LHFPL3: variants seen among roughly 807,000 people sequenced by gnomAD.
LHFPL3 encodes LHFPL tetraspan subfamily member 3, also known as LHFPL tetraspan subfamily member 3 protein.
In LHFPL3, 5 loss-of-function variants were observed where a neutral mutation model predicts 19.3. The ratio of observed to expected loss-of-function variants is 0.26; its 90% CI spans 0.14 to 0.54. LHFPL3 has a LOEUF of 0.54. Among genes scored for constraint, LHFPL3 ranks in the 20% least tolerant of loss-of-function variants. LHFPL3 has a pLI of 0.94. For missense variants in LHFPL3, 249 were observed against 307.4 expected, an observed-to-expected ratio of 0.81 and a Z score of 1.42; for synonymous variants, 133 against 126.2, an observed-to-expected ratio of 1.05 and a Z score of -0.36.
intron 2 of LHFPL3, among the ~76,000 whole-genome samples, chr7:104,776,463 T>C (rs904653644): frequency 2.0e-5 from 3 of 152,086 alleles, no homozygotes; most frequent in Non-Finnish European, 4.4e-5. Context: ...ACAGCCAGCT[T>C]CTCCTTCTTT....
rs181982225 is a variant in LHFPL3 at position 104,526,132 on chromosome 7, G to A, written c.445+196908G>A. Among the ~76,000 whole-genome samples, 117 of 152,196 alleles carry A rather than the reference G, an allele frequency of 7.7e-4. 2 individuals carry two copies. Among genetic ancestry groups the A allele is most frequent in the Non-Finnish European group, 7.2e-4 (49 of 68,006 alleles). On this transcript the variant is annotated intron_variant, in intron 1 of 2. Transcript: ENST00000424859. Reference sequence around the variant, plus strand: ...TCCCATTCTCATTCCTTTGATTTGAGTTTCTCACCCCTTATGGTGCATGAA... The same window carrying A: ...TCCCATTCTCATTCCTTTGATTTGAATTTCTCACCCCTTATGGTGCATGAA...
chr7:104,564,572 GAGAA>G (rs1374676993), intron 1 of LHFPL3, among the ~76,000 whole-genome samples: 1 of 152,170 alleles, frequency 6.6e-6, no homozygotes, highest in Non-Finnish European at 1.5e-5. Context: ...GTTTTTACAT[GAGAA>G]AGAAAGTAAA....
intron 1 of LHFPL3, among the ~76,000 whole-genome samples, chr7:104,703,286 C>T (rs1041769512): frequency 6.6e-5 from 10 of 152,130 alleles, no homozygotes; most frequent in African/African-American, 2.4e-4. Flanking sequence ...TTAACTTGAC[C>T]TTGAAGATTA....
intron 2 of LHFPL3, among the ~76,000 whole-genome samples, chr7:104,878,267 CT>C (rs35713546): frequency 4.7e-5 from 7 of 150,024 alleles, no homozygotes; most frequent in Non-Finnish European, 5.9e-5. Context: ...ACAAATATTG[CT>C]TTTTTTTTTA....
chr7:104,688,989 A>G (rs1263299797), intron 1 of LHFPL3, among the ~76,000 whole-genome samples: 1 of 152,170 alleles, frequency 6.6e-6, no homozygotes, highest in Non-Finnish European at 1.5e-5. Context: ...GAGTTAAAAA[A>G]AGTTCTAGTA....
chr7:104,502,536 T>C (rs1315645471), intron 1 of LHFPL3, among the ~76,000 whole-genome samples: 7 of 152,228 alleles, frequency 4.6e-5, no homozygotes, highest in Admixed American at 2.0e-4. Flanking sequence ...GAATTCTTAC[T>C]GCCCTGGGTC....
chr7:104,873,105 TG>T (rs1371159034), intron 2 of LHFPL3, among the ~76,000 whole-genome samples: 1 of 152,230 alleles, frequency 6.6e-6, no homozygotes, highest in Non-Finnish European at 1.5e-5. Flanking sequence ...CCATCATATA[TG>T]CAGCCTGTTG....
At chr7:104,649,494 C>G (rs191467586) in intron 1 of LHFPL3, among the ~76,000 whole-genome samples, 16 of 152,312 alleles carry the variant, frequency 1.1e-4, no homozygotes, top group Admixed American at 4.6e-4. Flanking sequence ...CAAAGGACAG[C>G]ACCTGTCCCA....
At chr7:104,889,232 A>G (rs546070342) in intron 2 of LHFPL3, among the ~76,000 whole-genome samples, 22 of 152,326 alleles carry the variant, frequency 1.4e-4, no homozygotes, top group Non-Finnish European at 2.2e-4. Flanking sequence ...TAAAACTGGA[A>G]ACTATTAAAA....
At chr7:104,390,468 G>A (rs1203913410) in intron 1 of LHFPL3, among the ~76,000 whole-genome samples, 7 of 152,020 alleles carry the variant, frequency 4.6e-5, no homozygotes, top group Admixed American at 2.6e-4. Flanking sequence ...ATAGTTTGCT[G>A]AGAATGATGG....
At chr7:104,662,473 T>C (rs1792243334) in intron 1 of LHFPL3, among the ~76,000 whole-genome samples, 1 of 152,186 alleles carries the variant, frequency 6.6e-6, no homozygotes, top group East Asian at 1.9e-4. Context: ...CCCTTAATAA[T>C]TTACCCAAAG....
intron 2 of LHFPL3, among the ~76,000 whole-genome samples, chr7:104,903,462 C>CTT (rs34097567): frequency 1.2e-4 from 15 of 126,722 alleles, no homozygotes; most frequent in Non-Finnish European, 1.9e-4. Flanking sequence ...TCTAGTTATA[C>CTT]TTTTTTTTTT....
chr7:104,739,337 C>A (rs1175672202), intron 2 of LHFPL3, among the ~76,000 whole-genome samples: 1 of 152,090 alleles, frequency 6.6e-6, no homozygotes, highest in Non-Finnish European at 1.5e-5. Context: ...AAAGACCAAT[C>A]AGTAGTTGTG....
intron 1 of LHFPL3, among the ~76,000 whole-genome samples, chr7:104,614,258 A>G (rs1241940748): frequency 6.6e-6 from 1 of 152,164 alleles, no homozygotes; most frequent in Non-Finnish European, 1.5e-5. Flanking sequence ...TGGTACTTTC[A>G]TAAGAGTTAT....
At chr7:104,769,714 G>A (rs982750977) in intron 2 of LHFPL3, among the ~76,000 whole-genome samples, 1 of 151,890 alleles carries the variant, frequency 6.6e-6, no homozygotes, top group Non-Finnish European at 1.5e-5. Flanking sequence ...GCGGTGTTTG[G>A]TTTTCTGTTC....
Position 104,540,242 on chromosome 7 carries a change from T to TA in LHFPL3, c.446-196423dup, listed in dbSNP as rs201163668. 1.0e-2 allele frequency among the ~76,000 whole-genome samples: 1,474 copies of TA among 147,934 alleles called. 24 individuals carry two copies. Among genetic ancestry groups the TA allele is most frequent in the African/African-American group, 0.034 (1,360 of 40,442 alleles). On this transcript the variant is annotated intron_variant, in intron 1 of 2. Coordinates refer to ENST00000424859, the MANE Select transcript of LHFPL3 (RefSeq NM_199000.3). The stretch of plus-strand genomic sequence containing the variant: ...AGCTAAAATCCATGGAGGAAAGTAA[T>TA]AAAAAAAAAACTATAATGTTGAGCA...
At chr7:104,828,345 T>G (rs1790865933) in intron 2 of LHFPL3, among the ~76,000 whole-genome samples, 1 of 151,874 alleles carries the variant, frequency 6.6e-6, no homozygotes, top group East Asian at 1.9e-4. Context: ...GGATACTACC[T>G]GCCCACTGAA....
intron 1 of LHFPL3, among the ~76,000 whole-genome samples, chr7:104,690,261 A>G (rs1792883298): frequency 6.6e-6 from 1 of 152,246 alleles, no homozygotes; most frequent in African/African-American, 2.4e-5. Flanking sequence ...AAATTAACAC[A>G]TCTCCTGGTA....
chr7:104,694,731 C>T (rs1792966963), intron 1 of LHFPL3, among the ~76,000 whole-genome samples: 1 of 152,088 alleles, frequency 6.6e-6, no homozygotes, highest in Non-Finnish European at 1.5e-5. Context: ...AAGAATTTAC[C>T]AAGAAAGTTG....
Sources: allele counts gnomAD v4.1 joint callset (sites outside exome capture counted in the v4.1 genomes callset), GRCh38; gene constraint gnomAD v4.1.1; transcripts MANE v1.5; gene names NCBI Gene and HGNC (gene_info 2026-07-23, HGNC 2026-07-21).